MCOLN3: variants seen among roughly 807,000 people sequenced by gnomAD.
The protein encoded by MCOLN3 is mucolipin-3.
Under a neutral mutation model 69.4 loss-of-function variants are expected in MCOLN3, and 62 were observed. That is an observed-to-expected ratio of 0.89 (90% CI 0.73 to 1.10). The LOEUF (loss-of-function observed/expected upper bound fraction) is 1.10. Among genes scored for constraint, MCOLN3 ranks in the 50% least tolerant of loss-of-function variants. MCOLN3 has a pLI of 0.00. For synonymous variants in MCOLN3, 183 were observed against 217.0 expected (o/e 0.84, Z 1.38); for missense variants, 564 against 656.4 (o/e 0.86, Z 1.54).
rs1224089891 is a variant in MCOLN3 at position 85,041,120 on chromosome 1, T to C, written c.286A>G (p.Ile96Val). 1 of 1,614,062 alleles carries C rather than the reference T, an allele frequency of 6.2e-7. No individual in the cohort carries two copies. The highest frequency in any genetic ancestry group is 1.7e-5 in the Admixed American group (1 of 60,018). The change falls in exon 3 of 13, where the codon ATA (isoleucine) becomes GTA (valine). Residue 96 changes from isoleucine (I) to valine (V), a missense_variant. By Grantham distance (29) the Ile-to-Val change is conservative. Transcript: ENST00000370589. ...MVVAFKEENTIAFKHLFLKGY... is the reference protein window; with the variant it reads ...MVVAFKEENTVAFKHLFLKGY... The stretch of plus-strand genomic sequence containing the variant: ...TTTAGGAAAAGGTGTTTGAATGCTA[T>C]AGTATTCTCTTCCTTGAAAGCTACC...
chr1:85,048,221 G>A (rs998632635), intron 1 of MCOLN3, among the ~76,000 whole-genome samples, 175 bp downstream of exon 1: 1 of 152,000 alleles, frequency 6.6e-6, no homozygotes, highest in Non-Finnish European at 1.5e-5. Flanking sequence ...CGGAACAGCT[G>A]CATCTCGCGC....
Position 85,020,715 on chromosome 1 carries a change from C to T in MCOLN3, c.1527+355G>A, listed in dbSNP as rs977975312. ...AAAATTGGAGTTTTTATGTTCCCCA[C>T]AATATTTTGGCTTTCTGAAATGCCA... On this transcript the variant is annotated intron_variant, in intron 12 of 12. Transcript: ENST00000370589. Among the ~76,000 whole-genome samples the T allele has an allele frequency of 3.9e-5, 6 of 152,322 alleles. No individual in the cohort carries two copies. The South Asian group carries it at 8.3e-4, about 21-fold the overall frequency.
intron 2 of MCOLN3, among the ~76,000 whole-genome samples, chr1:85,041,567 A>C (rs953320213): frequency 6.6e-6 from 1 of 152,130 alleles, no homozygotes; most frequent in Non-Finnish European, 1.5e-5. Flanking sequence ...CCTTTCAATT[A>C]TACCTAAAAG....
At chr1:85,026,615 GGCATGGTGGTGAGC>G in intron 7 of MCOLN3, among the ~76,000 whole-genome samples, 1 of 151,986 alleles carries the variant, frequency 6.6e-6, no homozygotes, top group South Asian at 2.1e-4. Flanking sequence ...AAATTAGCCG[GGCATGGTGGTGAGC>G]GCCTGTAGTC....
intron 1 of MCOLN3, among the ~76,000 whole-genome samples, chr1:85,045,837 G>A (rs2102947524): frequency 1.3e-5 from 2 of 152,286 alleles, no homozygotes. Context: ...AAACCACCGA[G>A]TTAAAGATAG....
chr1:85,029,278 G>A (rs1652388467), intron 6 of MCOLN3, 73 bp from the exon 7 acceptor site: 1 of 889,438 alleles, frequency 1.1e-6, no homozygotes, highest in Non-Finnish European at 1.8e-6. Context: ...CATTAATTAG[G>A]AAACAATTCT....
At chr1:85,039,637 C>T (rs1652962838) in intron 3 of MCOLN3, among the ~76,000 whole-genome samples, 1 of 152,144 alleles carries the variant, frequency 6.6e-6, no homozygotes, top group South Asian at 2.1e-4. Context: ...CCAAATACTA[C>T]ATTTTGAAGA....
chr1:85,025,894 G>A (rs1317379893), intron 9 of MCOLN3, 45 bp downstream of exon 9: 2 of 1,533,352 alleles, frequency 1.3e-6, no homozygotes, highest in East Asian at 2.3e-5. Flanking sequence ...ATTACCATTA[G>A]TGCAAATCTG....
At chr1:85,041,991 G>GCACA (rs146720463) in intron 2 of MCOLN3, among the ~76,000 whole-genome samples, 51 of 145,610 alleles carry the variant, frequency 3.5e-4, no homozygotes, top group African/African-American at 1.2e-3. Flanking sequence ...GCACACACAG[G>GCACA]CACACACACA....
At chr1:85,033,727 T>C (rs1652658332) in intron 4 of MCOLN3, among the ~76,000 whole-genome samples, 1 of 152,152 alleles carries the variant, frequency 6.6e-6, no homozygotes, top group African/African-American at 2.4e-5. Flanking sequence ...TATCTATCTA[T>C]TAATACTTCA....
intron 7 of MCOLN3, among the ~76,000 whole-genome samples, chr1:85,028,743 C>T (rs1200589493): frequency 1.3e-5 from 2 of 152,122 alleles, no homozygotes; most frequent in Non-Finnish European, 2.9e-5. Flanking sequence ...AAGGATTCTC[C>T]CTATCTTAAG....
intron 2 of MCOLN3, among the ~76,000 whole-genome samples, chr1:85,043,916 G>C (rs1262600624): frequency 6.6e-6 from 1 of 151,698 alleles, no homozygotes; most frequent in African/African-American, 2.4e-5. Flanking sequence ...ACCACACCTG[G>C]CTTATTTTTG....
intron 9 of MCOLN3, chr1:85,024,928 C>G (rs373279755): frequency 1.8e-4 from 27 of 152,198 alleles, no homozygotes; most frequent in African/African-American, 6.3e-4. Flanking sequence ...TTCCCTGGCT[C>G]CCTCTGCAGT....
At position 85,018,778 on chromosome 1, in the gene MCOLN3, T is replaced by G. The variant is rs1651785531; in HGVS notation, c.*345A>C. The G allele has an allele frequency of 5.4e-6, 1 of 186,264 alleles. No individual in the cohort carries two copies. Among genetic ancestry groups the G allele is most frequent in the Non-Finnish European group, 1.1e-5 (1 of 90,556 alleles). The allele number at this position is 186,264 out of a possible 1,614,324, so 11.5% of individuals were successfully genotyped here. ...AGTCACAGTCAGACCAAGGATTGTT[T>G]TCCACTAATTACACAGTCTGCACAA... On this transcript the variant is annotated 3_prime_UTR_variant, in exon 13 of 13. Coordinates refer to ENST00000370589, the MANE Select transcript of MCOLN3 (RefSeq NM_018298.11).
rs760056860 is a variant in MCOLN3, at chr1:85,021,219, TATC to T, written c.1375_1377del (p.Asp459del). On this transcript the variant is annotated inframe_deletion, in exon 12 of 13. Coordinates refer to ENST00000370589, the MANE Select transcript of MCOLN3 (RefSeq NM_018298.11). ...TGCATTTTTGCAAACGTGGCAAACA[TATC>T]ATCTCCATTTATCAGAGAGAAAAGG... 1.2e-6 allele frequency: 2 copies of T among 1,613,886 alleles called. No homozygotes were observed. The highest frequency in any genetic ancestry group is 1.7e-6 in the Non-Finnish European group (2 of 1,179,878).
intron 1 of MCOLN3, among the ~76,000 whole-genome samples, chr1:85,046,968 C>A (rs1653386671): frequency 2.0e-5 from 3 of 152,142 alleles, no homozygotes; most frequent in Admixed American, 2.0e-4. Flanking sequence ...AGGATTTTCA[C>A]TTAACAGTTT....
At chr1:85,032,530 T>C (rs1041614274) in intron 6 of MCOLN3, among the ~76,000 whole-genome samples, 166 bp downstream of exon 6, 1 of 152,160 alleles carries the variant, frequency 6.6e-6, no homozygotes, top group Non-Finnish European at 1.5e-5. Flanking sequence ...AGTAAACTTG[T>C]TATTATAGCA....
At chr1:85,041,844 T>C (rs1363525183) in intron 2 of MCOLN3, among the ~76,000 whole-genome samples, 1 of 114,004 alleles carries the variant, frequency 8.8e-6, no homozygotes, top group Non-Finnish European at 1.7e-5. Context: ...TACTCCAGCC[T>C]GGGCAATAAG....
intron 6 of MCOLN3, among the ~76,000 whole-genome samples, chr1:85,032,371 GCCAA>G (rs1187248346): frequency 6.6e-6 from 1 of 152,146 alleles, no homozygotes; most frequent in African/African-American, 2.4e-5. Flanking sequence ...ATTGCTGAGA[GCCAA>G]CCACACAGAA....
Sources: gnomAD v4.1 joint callset for allele counts (sites outside exome capture counted in the v4.1 genomes callset) on GRCh38, gnomAD v4.1.1 for gene constraint, MANE v1.5 for transcripts, NCBI Gene and HGNC (gene_info 2026-07-23, HGNC 2026-07-21) for gene names.